Variants in MRPL19 observed in about 807,000 individuals in gnomAD.
MRPL19 encodes the protein large ribosomal subunit protein bL19m.
A neutral mutation model predicts 34.0 loss-of-function variants in MRPL19; 31 were observed. The ratio of observed to expected loss-of-function variants is 0.91; its 90% CI spans 0.68 to 1.23. MRPL19 has a LOEUF of 1.23. Ranked by LOEUF, MRPL19 falls within the 50% of genes most tolerant of loss-of-function variation. MRPL19 has a pLI of 0.00. For synonymous variants in MRPL19, 152 were observed against 127.7 expected (o/e 1.19, Z -1.28); for missense variants, 384 against 367.6 (o/e 1.04, Z -0.37).
rs1433635289 is a variant in MRPL19, at chr2:75,655,381, T to G, written c.*96T>G. On this transcript the variant is annotated 3_prime_UTR_variant, in exon 6 of 6. Coordinates refer to ENST00000393909, the MANE Select transcript of MRPL19 (RefSeq NM_014763.4). Reference sequence around the variant, plus strand: ...AATTTCATTTATAAGAACATAGTAATTAAGTGAACTAAGCATTCATTGTTT... The same window carrying G: ...AATTTCATTTATAAGAACATAGTAAGTAAGTGAACTAAGCATTCATTGTTT... The G allele has an allele frequency of 1.2e-6, 1 of 850,522 alleles. No individual in the cohort carries two copies. The highest frequency in any genetic ancestry group is 1.8e-6 in the Non-Finnish European group (1 of 553,930). 52.7% of individuals were successfully genotyped at this position (850,522 alleles called of 1,614,324 possible). A position where few individuals can be genotyped will look rare whatever the true frequency, so the allele number is the denominator to read the frequency against.
chr2:75,651,668 A>G, intron 2 of MRPL19: 1 of 330,710 alleles, frequency 3.0e-6, no homozygotes, highest in Non-Finnish European at 5.9e-6. Flanking sequence ...TCAATTTATA[A>G]TTAGTGATTT....
At position 75,657,390 on chromosome 2, in the gene MRPL19, T is replaced by C. The variant is rs1678483085; in HGVS notation, c.*2105T>C. On this transcript the variant is annotated 3_prime_UTR_variant, in exon 6 of 6. Coordinates refer to ENST00000393909, the MANE Select transcript of MRPL19 (RefSeq NM_014763.4). ...GGAGGGGTCTGTCCAGGAAGGAGAT[T>C]GTCTAGGGGTCTGTCAGACAGCAGC... 6 of 152,074 alleles carry C rather than the reference T, an allele frequency of 3.9e-5. No individual in the cohort carries two copies. The highest frequency in any genetic ancestry group is 3.9e-4 in the Admixed American group (6 of 15,254). The allele number at this position is 152,074 out of a possible 1,614,324, so 9.4% of individuals were successfully genotyped here.
rs199657974 is a variant in MRPL19 at position 75,646,882 on chromosome 2, G to A, written c.75G>A (p.Leu25=). The A allele has an allele frequency of 1.9e-4, 295 of 1,592,548 alleles. 1 individual carries two copies. The African/African-American group carries it at 3.5e-3, about 19-fold the overall frequency. The change falls in exon 1 of 6, where the codon CTG becomes CTA. Residue 25 remains leucine (L), a synonymous_variant. Coordinates refer to ENST00000393909, the MANE Select transcript of MRPL19 (RefSeq NM_014763.4). ...LGRSFQAART[L]LPPPASIACR... The stretch of plus-strand genomic sequence containing the variant: ...GGAGTTTCCAAGCCGCCAGGACTCT[G>A]CTCCCCCCGCCGGCCTCTATCGCCT...
intron 2 of MRPL19, among the ~76,000 whole-genome samples, chr2:75,650,717 A>G (rs1678314411): frequency 1.3e-5 from 2 of 152,172 alleles, no homozygotes; most frequent in Admixed American, 1.3e-4. Flanking sequence ...GTATAGGAAG[A>G]GCGGTAAACA....
At position 75,654,897 on chromosome 2, in the gene MRPL19, C is replaced by T. The variant is rs1228422635; in HGVS notation, c.637C>T (p.Gln213Ter). The change falls in exon 5 of 6, where the codon CAA becomes TAA. Residue 213 changes from glutamine (Q) to a stop codon, truncating the protein, a stop_gained. Transcript: ENST00000393909. LOFTEE classifies it high-confidence loss of function. ...NMKPVVQEPN[Q>*]KVPVNELKVK... ...GAAGCCAGTAGTACAAGAGCCTAAC[C>T]AAAAAGTTCCTGTTAATGAGGTATG... 1.9e-6 allele frequency: 3 copies of T among 1,612,850 alleles called. No homozygotes were observed. The highest frequency in any genetic ancestry group is 1.3e-5 in the African/African-American group (1 of 74,796).
At position 75,660,621 on chromosome 2, in the gene MRPL19, AGTTTGT is replaced by A. The variant is rs1678589046; in HGVS notation, c.*5341_*5346del. 6.6e-6 allele frequency: 1 copy of A among 152,154 alleles called. No individual in the cohort carries two copies. Among genetic ancestry groups the A allele is most frequent in the South Asian group, 2.1e-4 (1 of 4,822 alleles). The allele number at this position is 152,154 out of a possible 1,614,324, so 9.4% of individuals were successfully genotyped here. On this transcript the variant is annotated 3_prime_UTR_variant, in exon 6 of 6. Transcript: ENST00000393909. The stretch of plus-strand genomic sequence containing the variant: ...GTCATCACTGAAGTCTCTGTTCCTT[AGTTTGT>A]GTTTAATAGTTTGACATAGATTTCC...
rs1678546109 is a variant in MRPL19, at chr2:75,659,306, C to G, written c.*4021C>G. The stretch of plus-strand genomic sequence containing the variant: ...CTCCTGTAAAGCTCTGCCCCTGCCC[C>G]CCTTATGTTATTGATGGCACAAATT... On this transcript the variant is annotated 3_prime_UTR_variant, in exon 6 of 6. Transcript: ENST00000393909. Among the ~76,000 whole-genome samples the G allele has an allele frequency of 6.6e-6, 1 of 152,066 alleles. No individual in the cohort carries two copies. Among genetic ancestry groups the G allele is most frequent in the Non-Finnish European group, 1.5e-5 (1 of 67,988 alleles).
Position 75,657,419 on chromosome 2 carries a change from C to CA in MRPL19, c.*2135dup, listed in dbSNP as rs1385803588. ...TAGGGGTCTGTCAGACAGCAGCTTTCAGCTACTTCCTTGATCTTTTTCACT... is the reference window on the plus strand; with the variant it reads ...TAGGGGTCTGTCAGACAGCAGCTTTCAAGCTACTTCCTTGATCTTTTTCACT... On this transcript the variant is annotated 3_prime_UTR_variant, in exon 6 of 6. Coordinates refer to ENST00000393909, the MANE Select transcript of MRPL19 (RefSeq NM_014763.4). 2 of 152,146 alleles carry CA rather than the reference C, an allele frequency of 1.3e-5. No individual in the cohort carries two copies. The highest frequency in any genetic ancestry group is 6.6e-5 in the Admixed American group (1 of 15,264). 9.4% of individuals were successfully genotyped at this position (152,146 alleles called of 1,614,324 possible).
intron 3 of MRPL19, 54 bp from the exon 4 acceptor site, chr2:75,652,469 A>G: frequency 2.5e-6 from 4 of 1,577,278 alleles, no homozygotes; most frequent in Non-Finnish European, 3.4e-6. Context: ...TATAAAGTTT[A>G]CTTCTCAGCT....
At position 75,660,313 on chromosome 2, in the gene MRPL19, T is replaced by C. The variant is rs1384957387; in HGVS notation, c.*5028T>C. On this transcript the variant is annotated 3_prime_UTR_variant, in exon 6 of 6. Coordinates refer to ENST00000393909, the MANE Select transcript of MRPL19 (RefSeq NM_014763.4). The stretch of plus-strand genomic sequence containing the variant: ...AGCTCTTTGGGCTTATTTAAGACAA[T>C]TGTTTAAAGTCTTTGCATAGTAAGT... 6.6e-6 allele frequency: 1 copy of C among 152,212 alleles called. No homozygotes were observed. Among genetic ancestry groups the C allele is most frequent in the Admixed American group, 6.5e-5 (1 of 15,276 alleles). 9.4% of individuals were successfully genotyped at this position (152,212 alleles called of 1,614,324 possible).
In MRPL19 at chr2:75,660,152, T is replaced by G. The variant is rs1244307839; in HGVS notation, c.*4867T>G. ...TCAACTGTTGAACTCCTCTAGTGAA[T>G]TTATTTCAGTTACTGTACTTTTCAG... is the stretch of plus-strand genomic sequence containing the variant. On this transcript the variant is annotated 3_prime_UTR_variant, in exon 6 of 6. Coordinates refer to ENST00000393909, the MANE Select transcript of MRPL19 (RefSeq NM_014763.4). 6.6e-6 allele frequency among the ~76,000 whole-genome samples: 1 copy of G among 152,144 alleles called. No individual in the cohort carries two copies. The highest frequency in any genetic ancestry group is 1.5e-5 in the Non-Finnish European group (1 of 68,022).
chr2:75,649,634 A>C (rs1404988550), intron 2 of MRPL19, among the ~76,000 whole-genome samples: 1 of 152,130 alleles, frequency 6.6e-6, no homozygotes, highest in Admixed American at 6.6e-5. Context: ...TTGAGGGATG[A>C]AATGCCTTGC....
In MRPL19 at chr2:75,658,377, G is replaced by A. The variant is rs1429024224; in HGVS notation, c.*3092G>A. Reference sequence around the variant, plus strand: ...ATGACTAAATAATATTCCATTGTATGTATATACATTTTGTTCATCCATCTT... The same window carrying A: ...ATGACTAAATAATATTCCATTGTATATATATACATTTTGTTCATCCATCTT... On this transcript the variant is annotated 3_prime_UTR_variant, in exon 6 of 6. Transcript: ENST00000393909. Among the ~76,000 whole-genome samples, 2 of 152,046 alleles carry A rather than the reference G, an allele frequency of 1.3e-5. No individual in the cohort carries two copies. The highest frequency in any genetic ancestry group is 2.9e-5 in the Non-Finnish European group (2 of 68,012).
Position 75,652,577 on chromosome 2 carries a change from A to C in MRPL19, c.395A>C (p.Gln132Pro), listed in dbSNP as rs867410225. Residue 132 changes from glutamine to proline, a missense_variant, in exon 4 of 6, where the codon CAG becomes CCG. Transcript: ENST00000393909. ...ADPYASGKIS[Q>P]FLGICIQRSG... is the part of the protein sequence containing the mutation. ...CCATATGCCAGTGGAAAAATCAGCC[A>C]GTTTCTGGGGATTTGCATTCAGAGA... The C allele has an allele frequency of 4.3e-6, 7 of 1,613,856 alleles. No individual in the cohort carries two copies. Among genetic ancestry groups the C allele is most frequent in the Non-Finnish European group, 4.2e-6 (5 of 1,179,778 alleles).
chr2:75,651,439 A>G, intron 2 of MRPL19: 1 of 536,806 alleles, frequency 1.9e-6, no homozygotes. Flanking sequence ...CTCTGGACTC[A>G]TCATTGCAAT....
At chr2:75,652,354 T>G (rs2104131047) in intron 3 of MRPL19, 94 bp downstream of exon 3, 1 of 1,312,822 alleles carries the variant, frequency 7.6e-7, no homozygotes, top group Non-Finnish European at 1.1e-6. Flanking sequence ...AGAAGATTGT[T>G]TTTTACATAT....
chr2:75,652,588 A>G lies in MRPL19; in HGVS notation c.406A>G (p.Ile136Val). ...ASGKISQFLG[I>V]CIQRSGRGLG... Reference sequence around the variant, plus strand: ...TGGAAAAATCAGCCAGTTTCTGGGGATTTGCATTCAGAGATCAGGAAGAGG... The same window carrying G: ...TGGAAAAATCAGCCAGTTTCTGGGGGTTTGCATTCAGAGATCAGGAAGAGG... Residue 136 changes from isoleucine (I) to valine (V), a missense_variant, in exon 4 of 6, where the codon ATT becomes GTT. Physicochemically the swap from Ile to Val is conservative, Grantham distance 29. Coordinates refer to ENST00000393909, the MANE Select transcript of MRPL19 (RefSeq NM_014763.4). 6.2e-7 allele frequency: 1 copy of G among 1,613,826 alleles called. No individual in the cohort carries two copies. The highest frequency in any genetic ancestry group is 8.5e-7 in the Non-Finnish European group (1 of 1,179,774).
Position 75,647,200 on chromosome 2 carries a change from C to G in MRPL19, c.202C>G (p.Pro68Ala). ...ACCGGTCATCGTGGACAAGCACCGC[C>G]CCGTGGAACCGGAACGCAGGTGAGG... ...PKPVIVDKHR[P>A]VEPERRFLSP... Residue 68 changes from proline (P) to alanine (A), a missense_variant, in exon 2 of 6, where the codon CCC (proline) becomes GCC (alanine). Pro to Ala is a conservative substitution (Grantham distance 27). Transcript: ENST00000393909. 6.3e-7 allele frequency: 1 copy of G among 1,580,310 alleles called. No individual in the cohort carries two copies. The highest frequency in any genetic ancestry group is 1.2e-5 in the South Asian group (1 of 86,126).
rs182765549 is a variant in MRPL19, at chr2:75,652,831, T to C, written c.475+174T>C. On this transcript the variant is annotated intron_variant, in intron 4 of 5. Transcript: ENST00000393909. The stretch of plus-strand genomic sequence containing the variant: ...GAGATTTGAAGTTAATGATTAAATA[T>C]GGTTGATGGACTTCTTTCTCTTGAA... Among the ~76,000 whole-genome samples, 466 of 152,330 alleles carry C rather than the reference T, an allele frequency of 3.1e-3. 3 individuals carry two copies. Among genetic ancestry groups the C allele is most frequent in the African/African-American group, 0.011 (454 of 41,582 alleles).
Sources: allele counts gnomAD v4.1 joint callset (sites outside exome capture counted in the v4.1 genomes callset), GRCh38; gene constraint gnomAD v4.1.1; transcripts MANE v1.5; gene names NCBI Gene and HGNC (gene_info 2026-07-23, HGNC 2026-07-21).